Variants in MRTFB observed in about 807,000 individuals in gnomAD.
MRTFB encodes the protein myocardin-related transcription factor B.
A neutral mutation model predicts 104.2 loss-of-function variants in MRTFB; 29 were observed. The observed-to-expected ratio is 0.28, with a 90% CI of 0.21 to 0.38. The LOEUF (loss-of-function observed/expected upper bound fraction) is 0.38. Among genes scored for constraint, MRTFB ranks in the 10% least tolerant of loss-of-function variants. The pLI, the probability that MRTFB is intolerant of heterozygous loss-of-function variation, is 1.00. For missense variants in MRTFB, 1,270 were observed against 1,341.6 expected (o/e 0.95, Z 0.83); for synonymous variants, 535 against 519.5 (o/e 1.03, Z -0.41).
intron 8 of MRTFB, among the ~76,000 whole-genome samples, chr16:14,223,610 C>T (rs953396836): frequency 2.0e-5 from 3 of 151,860 alleles, no homozygotes; most frequent in African/African-American, 4.8e-5. Flanking sequence ...ACAGCAGACT[C>T]AAACAAGCAG....
At chr16:14,211,935 T>C (rs2041207156) in intron 4 of MRTFB, among the ~76,000 whole-genome samples, 1 of 152,136 alleles carries the variant, frequency 6.6e-6, no homozygotes. Flanking sequence ...AAATGATACC[T>C]CAAATCTGTT....
At chr16:14,151,205 T>C (rs1409519400) in intron 3 of MRTFB, 1 of 152,256 alleles carries the variant, frequency 6.6e-6, no homozygotes, top group Non-Finnish European at 1.5e-5. Flanking sequence ...TGTATGTGTA[T>C]GTAAGTTTTG....
chr16:14,000,452 G>A, the MRTFB span, among the ~76,000 whole-genome samples: 79 of 152,364 alleles, frequency 5.2e-4, no homozygotes, highest in Admixed American at 4.8e-3. Flanking sequence ...TGAGGTGAGT[G>A]AGTCAAGGGC....
At chr16:14,207,895 C>T in intron 3 of MRTFB, among the ~76,000 whole-genome samples, 1 of 152,184 alleles carries the variant, frequency 6.6e-6, no homozygotes, top group East Asian at 1.9e-4. Flanking sequence ...GTGGCTTGGC[C>T]TAACAATTGG....
chr16:14,250,792 GCA>G (rs1247113656), intron 13 of MRTFB, among the ~76,000 whole-genome samples: 4 of 152,218 alleles, frequency 2.6e-5, no homozygotes, highest in Admixed American at 1.3e-4. Context: ...GCGCAGGACA[GCA>G]GAGAGCAGAG....
intron 3 of MRTFB, chr16:14,142,413 A>G (rs1195208095): frequency 6.6e-6 from 1 of 151,948 alleles, no homozygotes; most frequent in Non-Finnish European, 1.5e-5. Context: ...CGCCCAGCTA[A>G]TTTTTTCTAG....
intron 2 of MRTFB, among the ~76,000 whole-genome samples, chr16:14,138,231 TTGAA>T (rs2037822367): frequency 6.6e-6 from 1 of 152,122 alleles, no homozygotes; most frequent in African/African-American, 2.4e-5. Flanking sequence ...CAATTTTACT[TTGAA>T]TGATGATAAT....
At chr16:14,238,127 A>G (rs1175181641) in intron 9 of MRTFB, among the ~76,000 whole-genome samples, 1 of 152,156 alleles carries the variant, frequency 6.6e-6, no homozygotes, top group Non-Finnish European at 1.5e-5. Flanking sequence ...TCTGGTTGTC[A>G]CAATGCGGGG....
At chr16:14,147,869 AT>A (rs2038400932) in intron 3 of MRTFB, among the ~76,000 whole-genome samples, 1 of 152,198 alleles carries the variant, frequency 6.6e-6, no homozygotes, top group African/African-American at 2.4e-5. Flanking sequence ...TAACAGTAAG[AT>A]TTAAAACGTA....
chr16:14,212,440 T>C, intron 5 of MRTFB, 31 bp downstream of exon 5: 1 of 1,583,812 alleles, frequency 6.3e-7, no homozygotes, highest in Non-Finnish European at 8.7e-7. Context: ...ATGTTCTACT[T>C]CTCTCTCCTT....
the MRTFB span, among the ~76,000 whole-genome samples, chr16:13,999,483 C>T: frequency 2.7e-5 from 4 of 146,384 alleles, no homozygotes; most frequent in East Asian, 2.0e-4. Context: ...AAGAAGACAT[C>T]GTCTAGAGCC....
chr16:14,230,771 T>A (rs2042222227), intron 8 of MRTFB, among the ~76,000 whole-genome samples: 1 of 152,080 alleles, frequency 6.6e-6, no homozygotes, highest in Non-Finnish European at 1.5e-5. Flanking sequence ...GACCCGGCCA[T>A]CCCATTACCG....
chr16:14,019,140 A>C, the MRTFB span: 23 of 152,260 alleles, frequency 1.5e-4, 1 homozygote, highest in Non-Finnish European at 3.2e-4. Context: ...AAGTCTCAAG[A>C]ACAGGAAAAA....
the MRTFB span, among the ~76,000 whole-genome samples, chr16:14,056,824 A>G: frequency 2.6e-5 from 4 of 152,168 alleles, no homozygotes; most frequent in Non-Finnish European, 4.4e-5. Context: ...CTATCTCTAC[A>G]TATTAAGAAA....
the MRTFB span, among the ~76,000 whole-genome samples, chr16:14,047,447 G>A: frequency 2.6e-5 from 4 of 152,164 alleles, no homozygotes; most frequent in Admixed American, 6.5e-5. Flanking sequence ...GTCAGATGGC[G>A]ACCTCTGCCT....
At chr16:14,010,485 G>A in the MRTFB span, among the ~76,000 whole-genome samples, 1 of 152,110 alleles carries the variant, frequency 6.6e-6, no homozygotes, top group Non-Finnish European at 1.5e-5. Flanking sequence ...ATTTTTTGTA[G>A]AGATGGGGAT....
chr16:14,146,536 C>T (rs1388185344), intron 3 of MRTFB, among the ~76,000 whole-genome samples: 1 of 152,196 alleles, frequency 6.6e-6, no homozygotes, highest in Non-Finnish European at 1.5e-5. Context: ...AAGTTTGCTG[C>T]ACACAAGAGA....
chr16:14,110,640 C>T (rs74461229), intron 2 of MRTFB, among the ~76,000 whole-genome samples: 3,701 of 152,214 alleles, frequency 0.024, 164 homozygotes, highest in African/African-American at 0.084. Flanking sequence ...CCTGGAATTT[C>T]GGCTTGAAAC....
At chr16:14,027,625 T>A in the MRTFB span, among the ~76,000 whole-genome samples, 1 of 152,226 alleles carries the variant, frequency 6.6e-6, no homozygotes, top group African/African-American at 2.4e-5. Flanking sequence ...ACTGTGATTG[T>A]ATAAGATGTT....
Sources: gnomAD v4.1 joint callset for allele counts (sites outside exome capture counted in the v4.1 genomes callset) on GRCh38, gnomAD v4.1.1 for gene constraint, MANE v1.5 for transcripts, NCBI Gene and HGNC (gene_info 2026-07-23, HGNC 2026-07-21) for gene names.